The following CYP7B1 variants were observed in gnomAD, a reference collection of about 807,000 sequenced individuals.
CYP7B1 encodes the protein cytochrome P450 family 7 subfamily B member 1, also known as cytochrome P450 7B1.
CYP7B1 carries 29 observed loss-of-function variants against 42.7 expected under a neutral mutation model. The observed-to-expected ratio is 0.68, with a 90% CI of 0.51 to 0.93. The LOEUF is 0.93. Among genes scored for constraint, CYP7B1 ranks in the 40% least tolerant of loss-of-function variants. CYP7B1 has a pLI of 0.00. For missense variants in CYP7B1, 655 were observed against 600.5 expected, an observed-to-expected ratio of 1.09 and a Z score of -0.95; for synonymous variants, 235 against 218.2, an observed-to-expected ratio of 1.08 and a Z score of -0.68.
intron 1 of CYP7B1, among the ~76,000 whole-genome samples, chr8:64,738,954 T>C (rs1369639444): frequency 6.6e-6 from 1 of 152,224 alleles, no homozygotes; most frequent in Non-Finnish European, 1.5e-5. Flanking sequence ...AACACTTTTA[T>C]GGGTTTTACC....
At chr8:64,614,228 G>A (rs187685228) in intron 4 of CYP7B1, among the ~76,000 whole-genome samples, 7 of 152,110 alleles carry the variant, frequency 4.6e-5, no homozygotes, top group South Asian at 2.1e-4. Flanking sequence ...AATTTGCAGC[G>A]TGCTAATTAA....
At chr8:64,677,803 T>C (rs1243119508) in intron 1 of CYP7B1, among the ~76,000 whole-genome samples, 1 of 149,008 alleles carries the variant, frequency 6.7e-6, no homozygotes, top group Non-Finnish European at 1.5e-5. Context: ...ATGAGATCAT[T>C]GTCATGTAGT....
At position 64,596,319 on chromosome 8, in the gene CYP7B1, C is replaced by A; in HGVS notation, c.*323G>T. 5.0e-6 allele frequency: 1 copy of A among 201,116 alleles called. No individual in the cohort carries two copies. The allele number at this position is 201,116 out of a possible 1,614,324, so 12.5% of individuals were successfully genotyped here. On this transcript the variant is annotated 3_prime_UTR_variant, in exon 6 of 6. Coordinates refer to ENST00000310193, the MANE Select transcript of CYP7B1 (RefSeq NM_004820.5). The stretch of plus-strand genomic sequence containing the variant: ...AGAACAATTTGAGTGATTTAAATTC[C>A]ACAGTGCCCAATCTATTGGTGTGAA...
intron 1 of CYP7B1, among the ~76,000 whole-genome samples, chr8:64,782,571 A>G (rs1804447174): frequency 6.6e-6 from 1 of 152,192 alleles, no homozygotes; most frequent in African/African-American, 2.4e-5. Context: ...ACAGACCAAG[A>G]CAGTGCCCCA....
In CYP7B1 at chr8:64,596,732, A is replaced by T; in HGVS notation, c.1431T>A (p.Asp477Glu). The T allele has an allele frequency of 1.2e-6, 2 of 1,613,868 alleles. No individual in the cohort carries two copies. The highest frequency in any genetic ancestry group is 1.7e-6 in the Non-Finnish European group (2 of 1,179,810). Reference protein sequence around the residue: ...LTYFDLEIIDDKPIGLNYSRL... With the variant: ...LTYFDLEIIDEKPIGLNYSRL... ...GGCTGTAGTTTAGTCCTATGGGCTT[A>T]TCATCAATTATTTCTAAATCAAAAT... The change falls in exon 6 of 6, where the codon GAT (aspartate) becomes GAA (glutamate). Residue 477 changes from aspartate to glutamate, a missense_variant. Coordinates refer to ENST00000310193, the MANE Select transcript of CYP7B1 (RefSeq NM_004820.5).
intron 1 of CYP7B1, among the ~76,000 whole-genome samples, chr8:64,757,675 T>G (rs1807827533): frequency 6.6e-6 from 1 of 152,230 alleles, no homozygotes; most frequent in Admixed American, 6.5e-5. Context: ...TTCACTCAGG[T>G]GCAACTTGGC....
intron 1 of CYP7B1, among the ~76,000 whole-genome samples, chr8:64,671,950 T>C (rs1385433223): frequency 6.6e-6 from 1 of 152,116 alleles, no homozygotes; most frequent in African/African-American, 2.4e-5. Flanking sequence ...AAGATAAATA[T>C]GATTGCACAT....
Position 64,651,291 on chromosome 8 carries a change from C to T in CYP7B1, c.123-26752G>A, listed in dbSNP as rs569429960. ...CTGCAGAACTGCATGATACACAGGT[C>T]CATACTAGTCTGCAGCTCTTTCAAT... On this transcript the variant is annotated intron_variant, in intron 1 of 5. Transcript: ENST00000310193. Among the ~76,000 whole-genome samples, 3 of 152,174 alleles carry T rather than the reference C, an allele frequency of 2.0e-5. No individual in the cohort carries two copies. In the South Asian group the frequency reaches 6.2e-4, roughly 32 times the overall value.
intron 1 of CYP7B1, among the ~76,000 whole-genome samples, chr8:64,729,878 C>T (rs1467276645): frequency 6.6e-6 from 1 of 152,190 alleles, no homozygotes; most frequent in Non-Finnish European, 1.5e-5. Flanking sequence ...CTTTTTGTCA[C>T]AAATAGTTTT....
chr8:64,706,339 G>A (rs750335179), intron 1 of CYP7B1, among the ~76,000 whole-genome samples: 6 of 151,884 alleles, frequency 4.0e-5, no homozygotes, highest in African/African-American at 7.3e-5. Flanking sequence ...AAATGTAGGC[G>A]TTCTTTTTAT....
rs368564688 is a variant in CYP7B1 at position 64,717,860 on chromosome 8, T to G, written c.122+80606A>C. Among the ~76,000 whole-genome samples, 486 of 151,940 alleles carry G rather than the reference T, an allele frequency of 3.2e-3. 6 individuals carry two copies. The South Asian group carries it at 0.034, about 11-fold the overall frequency. On this transcript the variant is annotated intron_variant, in intron 1 of 5. Transcript: ENST00000310193. ...AGACCCTGCCTCCAAAAAATAAGTT[T>G]TTTTTTTTTTGGAAAAAAAATGTAA...
chr8:64,597,644 C>G (rs2129629775), intron 5 of CYP7B1, among the ~76,000 whole-genome samples: 1 of 152,288 alleles, frequency 6.6e-6, no homozygotes, highest in East Asian at 1.9e-4. Flanking sequence ...TAGTTTGTTA[C>G]AGGAAATCAT....
At chr8:64,676,451 C>T (rs1403473837) in intron 1 of CYP7B1, among the ~76,000 whole-genome samples, 1 of 152,064 alleles carries the variant, frequency 6.6e-6, no homozygotes, top group Non-Finnish European at 1.5e-5. Context: ...GGGTTTTATA[C>T]ACTGTGAGAC....
chr8:64,796,575 CA>C (rs1357792407), intron 1 of CYP7B1, among the ~76,000 whole-genome samples: 3 of 152,112 alleles, frequency 2.0e-5, no homozygotes, highest in Non-Finnish European at 4.4e-5. Context: ...AAACATAAAG[CA>C]CACATACATT....
At chr8:64,677,867 G>A (rs1411934000) in intron 1 of CYP7B1, among the ~76,000 whole-genome samples, 2 of 151,942 alleles carry the variant, frequency 1.3e-5, no homozygotes, top group Non-Finnish European at 2.9e-5. Flanking sequence ...TGTTCTCATT[G>A]TTGTTATTAT....
intron 4 of CYP7B1, among the ~76,000 whole-genome samples, chr8:64,610,385 T>C (rs527889281): frequency 3.3e-5 from 5 of 152,336 alleles, no homozygotes; most frequent in Admixed American, 1.3e-4. Context: ...TAAATAAAGT[T>C]ATGTCTTCTG....
At chr8:64,718,837 T>G (rs1807196477) in intron 1 of CYP7B1, among the ~76,000 whole-genome samples, 1 of 152,152 alleles carries the variant, frequency 6.6e-6, no homozygotes. Context: ...AAGGTAAATA[T>G]AAAGTAGATT....
At chr8:64,689,603 T>C (rs1262850467) in intron 1 of CYP7B1, among the ~76,000 whole-genome samples, 1 of 152,030 alleles carries the variant, frequency 6.6e-6, no homozygotes, top group Non-Finnish European at 1.5e-5. Context: ...TCTCACTCTG[T>C]CACCCAGACT....
chr8:64,658,126 T>C (rs2129631355), intron 1 of CYP7B1, among the ~76,000 whole-genome samples: 1 of 152,286 alleles, frequency 6.6e-6, no homozygotes, highest in East Asian at 1.9e-4. Context: ...TAGTCACCTC[T>C]CAAAGACCCC....
Sources: allele counts gnomAD v4.1 joint callset (sites outside exome capture counted in the v4.1 genomes callset), GRCh38; gene constraint gnomAD v4.1.1; transcripts MANE v1.5; gene names NCBI Gene and HGNC (gene_info 2026-07-23, HGNC 2026-07-21).